The following ADAMTS17 variants were observed in gnomAD, a reference collection of about 807,000 sequenced individuals.
ADAMTS17 encodes ADAM metallopeptidase with thrombospondin type 1 motif 17.
A neutral mutation model predicts 141.5 loss-of-function variants in ADAMTS17; 113 were observed. The ratio of observed to expected loss-of-function variants is 0.80; its 90% confidence interval spans 0.69 to 0.93. ADAMTS17 has a LOEUF of 0.93. Among genes scored for constraint, ADAMTS17 ranks in the 40% least tolerant of loss-of-function variants. The pLI, the probability that ADAMTS17 is intolerant of heterozygous loss-of-function variation, is 0.00. For synonymous variants in ADAMTS17, 768 were observed against 630.6 expected, an observed-to-expected ratio of 1.22 and a Z score of -3.27; for missense variants, 1,659 against 1,517.9, an observed-to-expected ratio of 1.09 and a Z score of -1.54.
At chr15:100,304,220 C>T (rs2045142621) in intron 3 of ADAMTS17, among the ~76,000 whole-genome samples, 1 of 152,110 alleles carries the variant, frequency 6.6e-6, no homozygotes, top group African/African-American at 2.4e-5. Flanking sequence ...GTCTGAGTGT[C>T]ACATCCTTAG....
chr15:100,099,994 C>T (rs1204655908), intron 14 of ADAMTS17, among the ~76,000 whole-genome samples: 3 of 152,214 alleles, frequency 2.0e-5, no homozygotes, highest in Admixed American at 1.3e-4. Flanking sequence ...GGTCATCACA[C>T]CTAGTGGACG....
chr15:100,178,093 ATAGT>A lies in ADAMTS17; in HGVS notation c.1181+21221_1181+21224del, dbSNP rs1404221723. ...GAAATGAGTTTCTTTCAGGGAGCAG[ATAGT>A]TAGGTCACATTTTTAAATCCATTCT... On this transcript the variant is annotated intron_variant, in intron 8 of 21. Transcript: ENST00000268070. Among the ~76,000 whole-genome samples the A allele has an allele frequency of 5.3e-5, 8 of 152,272 alleles. No homozygotes were observed. In the East Asian group the frequency reaches 9.6e-4, roughly 18 times the overall value.
At chr15:100,284,388 C>A (rs1225677598) in intron 3 of ADAMTS17, among the ~76,000 whole-genome samples, 3 of 152,200 alleles carry the variant, frequency 2.0e-5, no homozygotes, top group African/African-American at 7.2e-5. Flanking sequence ...AATAAATGCT[C>A]ACCCAAGGAA....
At chr15:100,161,760 G>A (rs1375812231) in intron 8 of ADAMTS17, among the ~76,000 whole-genome samples, 3 of 152,066 alleles carry the variant, frequency 2.0e-5, no homozygotes, top group African/African-American at 7.3e-5. Context: ...ATGCCACTAG[G>A]GGATAACAGG....
At chr15:100,176,874 T>C (rs1435799646) in intron 8 of ADAMTS17, among the ~76,000 whole-genome samples, 1 of 152,250 alleles carries the variant, frequency 6.6e-6, no homozygotes, top group Non-Finnish European at 1.5e-5. Flanking sequence ...TTATGTATGC[T>C]TTTGAAACTA....
Position 100,341,039 on chromosome 15 carries a change from C to G in ADAMTS17, c.450G>C (p.Leu150=), listed in dbSNP as rs1259825215. ...SLSACGAAGG[L]VGLIQLGQEQ... The stretch of plus-strand genomic sequence containing the variant: ...GACCCGGAGGTGGCGCGGGCAGTAC[C>G]AGGCCGCCGGCGGCGCCGCAGGCGC... Residue 150 remains leucine, a splice_region_variant and synonymous_variant, in exon 2 of 22, where the codon CTG becomes CTC. Transcript: ENST00000268070. 3 of 1,523,462 alleles carry G rather than the reference C, an allele frequency of 2.0e-6. No individual in the cohort carries two copies. Among genetic ancestry groups the G allele is most frequent in the Non-Finnish European group, 2.6e-6 (3 of 1,140,438 alleles). 94.4% of individuals were successfully genotyped at this position (1,523,462 alleles called of 1,614,324 possible). A position where few individuals can be genotyped will look rare whatever the true frequency, so the allele number is the denominator to read the frequency against.
chr15:100,307,115 T>A (rs1034433700), intron 3 of ADAMTS17, among the ~76,000 whole-genome samples: 1 of 152,140 alleles, frequency 6.6e-6, no homozygotes, highest in East Asian at 1.9e-4. Context: ...TTTTGCCCCA[T>A]CCTGCAACAG....
intron 9 of ADAMTS17, among the ~76,000 whole-genome samples, chr15:100,154,330 T>C (rs1283742693): frequency 6.6e-6 from 1 of 152,216 alleles, no homozygotes; most frequent in Non-Finnish European, 1.5e-5. Context: ...ATGAGTGCAT[T>C]GTTAAGCTGG....
intron 14 of ADAMTS17, among the ~76,000 whole-genome samples, chr15:100,103,563 A>G (rs1394821222): frequency 7.3e-6 from 1 of 137,418 alleles, no homozygotes; most frequent in Non-Finnish European, 1.6e-5. Context: ...TAATCCATCC[A>G]TCCAGCCACT....
At chr15:100,275,748 G>A (rs974153998) in intron 4 of ADAMTS17, among the ~76,000 whole-genome samples, 2 of 151,882 alleles carry the variant, frequency 1.3e-5, no homozygotes, top group Admixed American at 6.6e-5. Flanking sequence ...GACAGCTGGT[G>A]CATCATAAGC....
At chr15:100,078,405 A>G (rs560818647) in intron 15 of ADAMTS17, among the ~76,000 whole-genome samples, 17 of 151,846 alleles carry the variant, frequency 1.1e-4, no homozygotes, top group South Asian at 4.1e-4. Flanking sequence ...GTTTCTAACA[A>G]TGGAATATAG....
At chr15:99,989,713 C>G (rs954992842) in intron 20 of ADAMTS17, among the ~76,000 whole-genome samples, 3 of 152,168 alleles carry the variant, frequency 2.0e-5, no homozygotes, top group African/African-American at 7.2e-5. Context: ...CAGAGAATTT[C>G]TCAGTGTTGT....
At chr15:100,238,174 C>T (rs1239224355) in intron 7 of ADAMTS17, among the ~76,000 whole-genome samples, 2 of 152,346 alleles carry the variant, frequency 1.3e-5, no homozygotes, top group Admixed American at 6.5e-5. Context: ...GGCCTGCAAA[C>T]GGGTTGCACA....
At chr15:100,167,970 C>CA (rs1283809257) in intron 8 of ADAMTS17, among the ~76,000 whole-genome samples, 1 of 152,124 alleles carries the variant, frequency 6.6e-6, no homozygotes, top group African/African-American at 2.4e-5. Flanking sequence ...ATGCTCCTGG[C>CA]AAAAAAACCC....
At chr15:100,240,042 A>C (rs889397675) in intron 7 of ADAMTS17, among the ~76,000 whole-genome samples, 4 of 152,212 alleles carry the variant, frequency 2.6e-5, no homozygotes, top group African/African-American at 9.6e-5. Context: ...GCTGTGCGGC[A>C]GATCAGTGAG....
At chr15:100,102,823 G>A (rs887208641) in intron 14 of ADAMTS17, among the ~76,000 whole-genome samples, 2 of 152,154 alleles carry the variant, frequency 1.3e-5, no homozygotes, top group Non-Finnish European at 2.9e-5. Flanking sequence ...TTGACAGCCC[G>A]TCAAGCTCTG....
intron 14 of ADAMTS17, among the ~76,000 whole-genome samples, chr15:100,108,195 G>A (rs779840051): frequency 1.4e-4 from 21 of 151,464 alleles, no homozygotes; most frequent in African/African-American, 2.4e-4. Context: ...CCCCCGAGAC[G>A]GAGTCTTGCT....
intron 20 of ADAMTS17, among the ~76,000 whole-genome samples, chr15:99,982,551 G>T (rs758672057): frequency 6.6e-6 from 1 of 152,224 alleles, no homozygotes; most frequent in Non-Finnish European, 1.5e-5. Context: ...AGGCTTCAAC[G>T]TTAATTGAAC....
intron 18 of ADAMTS17, among the ~76,000 whole-genome samples, chr15:100,020,446 A>G (rs1166335250): frequency 6.6e-6 from 1 of 152,168 alleles, no homozygotes; most frequent in African/African-American, 2.4e-5. Flanking sequence ...GGGCTCTGGC[A>G]TGCAGCTTTA....
Sources: gnomAD v4.1 joint callset for allele counts (sites outside exome capture counted in the v4.1 genomes callset) on GRCh38, gnomAD v4.1.1 for gene constraint, MANE v1.5 for transcripts, NCBI Gene and HGNC (gene_info 2026-07-23, HGNC 2026-07-21) for gene names.